Variants in TNS3 observed in about 807,000 individuals in gnomAD.
TNS3 encodes tensin 3, also known as tensin-3.
A neutral mutation model predicts 140.9 loss-of-function variants in TNS3; 45 were observed. The observed-to-expected ratio is 0.32, with a 90% CI of 0.25 to 0.41. The LOEUF (loss-of-function observed/expected upper bound fraction) is 0.41. TNS3 is among the 10% of genes least tolerant of loss of function. The pLI is 1.00. For missense variants in TNS3, 1,716 were observed against 1,906.7 expected (o/e 0.90, Z 1.86); for synonymous variants, 815 against 788.4 (o/e 1.03, Z -0.56).
At chr7:47,471,211 T>C (rs1352271278) in intron 4 of TNS3, among the ~76,000 whole-genome samples, 1 of 151,862 alleles carries the variant, frequency 6.6e-6, no homozygotes, top group Non-Finnish European at 1.5e-5. Context: ...GGGGTGAGGG[T>C]GGGGGTGCCA....
At chr7:47,435,471 G>T (rs1795134419) in intron 7 of TNS3, 67 bp from the exon 8 acceptor site, 5 of 1,599,046 alleles carry the variant, frequency 3.1e-6, no homozygotes, top group Non-Finnish European at 4.3e-6. Flanking sequence ...ATCTCACAAT[G>T]ACTTCTTTCA....
chr7:47,294,943 G>A (rs1159374422), intron 24 of TNS3, among the ~76,000 whole-genome samples: 27 of 152,166 alleles, frequency 1.8e-4, no homozygotes, highest in Non-Finnish European at 1.5e-5. Context: ...GGGCTCTCTG[G>A]AGAACAGCAT....
At chr7:47,321,028 A>G (rs1386206915) in intron 20 of TNS3, among the ~76,000 whole-genome samples, 1 of 152,182 alleles carries the variant, frequency 6.6e-6, no homozygotes, top group African/African-American at 2.4e-5. Context: ...CAGACTTTCT[A>G]ATGTGTCCCT....
intron 4 of TNS3, among the ~76,000 whole-genome samples, chr7:47,461,577 G>GCACTGCATGCC (rs1304902900): frequency 6.6e-6 from 1 of 152,086 alleles, no homozygotes; most frequent in Non-Finnish European, 1.5e-5. Flanking sequence ...GAGGAGCCGG[G>GCACTGCATGCC]CACTGCATGC....
chr7:47,447,687 C>T (rs550597411), intron 4 of TNS3, among the ~76,000 whole-genome samples: 12 of 152,156 alleles, frequency 7.9e-5, no homozygotes, highest in African/African-American at 1.2e-4. Flanking sequence ...TCCTGCAGGG[C>T]GCCATCCTGC....
chr7:47,300,172 G>C (rs1207488085), intron 23 of TNS3, among the ~76,000 whole-genome samples: 1 of 152,120 alleles, frequency 6.6e-6, no homozygotes, highest in East Asian at 1.9e-4. Context: ...AGGCACATCT[G>C]ACAGTTAAAA....
intron 1 of TNS3, among the ~76,000 whole-genome samples, chr7:47,580,734 C>T (rs1784509044): frequency 6.6e-6 from 1 of 152,044 alleles, no homozygotes; most frequent in South Asian, 2.1e-4. Context: ...ACAAGTAAAC[C>T]TCATTCAAAA....
intron 1 of TNS3, among the ~76,000 whole-genome samples, chr7:47,543,852 G>C (rs1799855632): frequency 1.3e-5 from 2 of 152,180 alleles, no homozygotes; most frequent in African/African-American, 4.8e-5. Context: ...TTCTGCGACT[G>C]CCACACTTCA....
At chr7:47,447,307 TC>T (rs1486576539) in intron 4 of TNS3, among the ~76,000 whole-genome samples, 1 of 152,088 alleles carries the variant, frequency 6.6e-6, no homozygotes, top group Non-Finnish European at 1.5e-5. Context: ...GGAGTCTTGC[TC>T]TGTTGCCCAG....
Position 47,475,587 on chromosome 7 carries a change from G to A in TNS3, c.-76+5516C>T, listed in dbSNP as rs531486575. On this transcript the variant is annotated intron_variant, in intron 4 of 30. Coordinates refer to ENST00000311160, the MANE Select transcript of TNS3 (RefSeq NM_022748.12). ...CAGGCTGGCTGTGGGCTGCCCAGGA[G>A]GCCGGGCGGGGAAGTGGGTCCCATA... Among the ~76,000 whole-genome samples, 13 of 152,352 alleles carry A rather than the reference G, an allele frequency of 8.5e-5. No individual in the cohort carries two copies. The East Asian group carries it at 2.5e-3, about 29-fold the overall frequency.
chr7:47,576,054 C>T (rs1351301347), intron 1 of TNS3, among the ~76,000 whole-genome samples: 1 of 152,052 alleles, frequency 6.6e-6, no homozygotes, highest in African/African-American at 2.4e-5. Flanking sequence ...CAGGTCTTTC[C>T]AGAGGAGACA....
chr7:47,396,691 G>T, intron 16 of TNS3, 109 bp downstream of exon 16: 1 of 869,684 alleles, frequency 1.1e-6, no homozygotes, highest in South Asian at 1.5e-5. Context: ...TGAGAAAACA[G>T]GGGAAATTTT....
chr7:47,544,806 C>T (rs945561953), intron 1 of TNS3, among the ~76,000 whole-genome samples: 1 of 152,072 alleles, frequency 6.6e-6, no homozygotes, highest in East Asian at 1.9e-4. Context: ...AGCTGCCCCA[C>T]CTATTCTAAC....
intron 5 of TNS3, among the ~76,000 whole-genome samples, chr7:47,440,783 C>T (rs1304920021): frequency 6.6e-6 from 1 of 152,232 alleles, no homozygotes; most frequent in African/African-American, 2.4e-5. Flanking sequence ...GGCATGGGTG[C>T]ACGGGACGTG....
At chr7:47,417,128 A>C (rs957863238) in intron 10 of TNS3, among the ~76,000 whole-genome samples, 1 of 152,096 alleles carries the variant, frequency 6.6e-6, no homozygotes, top group African/African-American at 2.4e-5. Flanking sequence ...AACATGGAAG[A>C]CTCTGGAGCG....
rs538431794 is a variant in TNS3 at position 47,374,619 on chromosome 7, G to A, written c.1025-4998C>T. ...ACAGAGGTGTGGAAGCAGGGTCACTGCATGGCTGACTGCCAGTCTCGCCAA... is the reference window on the plus strand; with the variant it reads ...ACAGAGGTGTGGAAGCAGGGTCACTACATGGCTGACTGCCAGTCTCGCCAA... On this transcript the variant is annotated intron_variant, in intron 16 of 30. Transcript: ENST00000311160. 2.5e-4 allele frequency among the ~76,000 whole-genome samples: 38 copies of A among 152,356 alleles called. 1 individual carries two copies. The Middle Eastern group carries it at 0.017, about 68-fold the overall frequency.
chr7:47,514,057 C>G (rs613007), intron 2 of TNS3, among the ~76,000 whole-genome samples: 56,191 of 152,216 alleles, frequency 0.37, 11,298 homozygotes, highest in Non-Finnish European at 0.46. Flanking sequence ...ATCTTTTATA[C>G]AACACTCGAA....
At chr7:47,508,964 C>T (rs898538787) in intron 2 of TNS3, among the ~76,000 whole-genome samples, 1 of 152,218 alleles carries the variant, frequency 6.6e-6, no homozygotes, top group Non-Finnish European at 1.5e-5. Flanking sequence ...TCAGATGGTG[C>T]AGCCTCTCCA....
At chr7:47,498,897 G>A (rs1293338509) in intron 3 of TNS3, among the ~76,000 whole-genome samples, 1 of 152,256 alleles carries the variant, frequency 6.6e-6, no homozygotes, top group Non-Finnish European at 1.5e-5. Context: ...ACGGTGCAAG[G>A]AGCAGAGCCC....
Sources: allele counts gnomAD v4.1 joint callset (sites outside exome capture counted in the v4.1 genomes callset), GRCh38; gene constraint gnomAD v4.1.1; transcripts MANE v1.5; gene names NCBI Gene and HGNC (gene_info 2026-07-23, HGNC 2026-07-21).